WDR7: variants seen among roughly 807,000 people sequenced by gnomAD.
WDR7 encodes WD repeat-containing protein 7.
A neutral mutation model predicts 169.4 loss-of-function variants in WDR7; 46 were observed. The ratio of observed to expected loss-of-function variants is 0.27; its 90% CI spans 0.21 to 0.35. The LOEUF (loss-of-function observed/expected upper bound fraction) is 0.35, where lower values mean the gene tolerates loss of function less well. WDR7 is among the 10% of genes least tolerant of loss of function. The pLI is 1.00. For missense variants in WDR7, 1,534 were observed against 1,859.3 expected (o/e 0.83, Z 3.22); for synonymous variants, 612 against 666.8 (o/e 0.92, Z 1.27).
At chr18:56,885,232 A>G (rs1006614955) in intron 21 of WDR7, among the ~76,000 whole-genome samples, 2 of 152,196 alleles carry the variant, frequency 1.3e-5, no homozygotes, top group Admixed American at 6.5e-5. Flanking sequence ...AGGTTTTGTA[A>G]TACCTCCAAA....
chr18:56,918,555 A>G (rs1347258982), intron 21 of WDR7, among the ~76,000 whole-genome samples: 2 of 152,216 alleles, frequency 1.3e-5, no homozygotes, highest in African/African-American at 4.8e-5. Context: ...CTCTATTAAA[A>G]AAATGTATTC....
intron 21 of WDR7, among the ~76,000 whole-genome samples, chr18:56,912,240 A>G (rs2046562689): frequency 6.6e-6 from 1 of 152,234 alleles, no homozygotes; most frequent in East Asian, 1.9e-4. Context: ...GGAGGCTGAT[A>G]GAAGCAATGG....
chr18:56,950,968 C>T (rs970743612), intron 25 of WDR7, among the ~76,000 whole-genome samples: 5 of 152,174 alleles, frequency 3.3e-5, no homozygotes, highest in Admixed American at 1.3e-4. Flanking sequence ...TCTGTAGGCT[C>T]AGGGCCCATT....
intron 19 of WDR7, among the ~76,000 whole-genome samples, chr18:56,789,448 A>G (rs988282294): frequency 6.6e-6 from 1 of 152,220 alleles, no homozygotes; most frequent in African/African-American, 2.4e-5. Context: ...GCGGTCCTCT[A>G]ACAATGGAGC....
intron 13 of WDR7, among the ~76,000 whole-genome samples, chr18:56,724,908 G>A (rs527533821): frequency 2.0e-5 from 3 of 151,966 alleles, no homozygotes; most frequent in Non-Finnish European, 4.4e-5. Context: ...GCGGTGTTTG[G>A]TTTTTTGTCC....
intron 12 of WDR7, among the ~76,000 whole-genome samples, chr18:56,707,767 T>G (rs1472426496): frequency 6.6e-6 from 1 of 152,078 alleles, no homozygotes; most frequent in African/African-American, 2.4e-5. Context: ...GCCCATAGTG[T>G]TTTGTGGACA....
intron 20 of WDR7, among the ~76,000 whole-genome samples, chr18:56,824,666 G>T (rs1017780012): frequency 6.6e-6 from 1 of 152,192 alleles, no homozygotes; most frequent in Non-Finnish European, 1.5e-5. Context: ...CATTAGTGAG[G>T]TGATGTAGGC....
chr18:56,986,547 G>A (rs2047723074), intron 26 of WDR7, among the ~76,000 whole-genome samples: 1 of 152,032 alleles, frequency 6.6e-6, no homozygotes, highest in South Asian at 2.1e-4. Flanking sequence ...AAAGCTTTCA[G>A]AAGTGTGGCT....
At position 56,710,005 on chromosome 18, in the gene WDR7, TG is replaced by T. The variant is rs200897832; in HGVS notation, c.1579-7958del. On this transcript the variant is annotated intron_variant, in intron 12 of 27. Transcript: ENST00000254442. Reference sequence around the variant, plus strand: ...ACCACAATTTATATATATATATAGTTGTTTTTTTTTTTTTTTGTGATGGAGT... The same window carrying T: ...ACCACAATTTATATATATATATAGTTTTTTTTTTTTTTTTTGTGATGGAGT... 1.5e-3 allele frequency among the ~76,000 whole-genome samples: 197 copies of T among 134,054 alleles called. 12 individuals carry two copies. Among genetic ancestry groups the T allele is most frequent in the Admixed American group, 5.5e-3 (77 of 14,006 alleles). The allele number at this position is 134,054 out of a possible 152,430, so 87.9% of individuals were successfully genotyped here.
intron 26 of WDR7, 67 bp from the exon 27 acceptor site, chr18:57,020,678 T>C: frequency 7.0e-7 from 1 of 1,431,772 alleles, no homozygotes; most frequent in Non-Finnish European, 9.8e-7. Context: ...ATTGAATGCA[T>C]TTGTGTGTGT....
chr18:56,658,876 C>A lies in WDR7; in HGVS notation c.-20+7300C>A, dbSNP rs540096337. 1.0e-3 allele frequency among the ~76,000 whole-genome samples: 158 copies of A among 152,136 alleles called. 1 individual carries two copies. The highest frequency in any genetic ancestry group is 4.4e-3 in the Admixed American group (67 of 15,282). On this transcript the variant is annotated intron_variant, in intron 1 of 27. Coordinates refer to ENST00000254442, the MANE Select transcript of WDR7 (RefSeq NM_015285.3). ...TACAGGCGTGCACCACTGTGCCCAG[C>A]TAATTTTTGTATTTTTTTTTTAGTA...
In WDR7 at chr18:56,884,487, G is replaced by A. The variant is rs1363588813; in HGVS notation, c.3526+4322G>A. Reference sequence around the variant, plus strand: ...CTCTGCTGGTGGTTTCTTTTGCTGTGTAGAAGCTTTTTCATTTAATTAACT... The same window carrying A: ...CTCTGCTGGTGGTTTCTTTTGCTGTATAGAAGCTTTTTCATTTAATTAACT... On this transcript the variant is annotated intron_variant, in intron 21 of 27. Transcript: ENST00000254442. 3.3e-5 allele frequency among the ~76,000 whole-genome samples: 5 copies of A among 152,296 alleles called. No homozygotes were observed. In the East Asian group the frequency reaches 9.7e-4, roughly 29 times the overall value.
intron 14 of WDR7, among the ~76,000 whole-genome samples, chr18:56,751,684 T>C (rs2043795767): frequency 6.6e-6 from 1 of 152,240 alleles, no homozygotes; most frequent in Non-Finnish European, 1.5e-5. Flanking sequence ...GCTATCATTA[T>C]TAATAATAAT....
intron 20 of WDR7, among the ~76,000 whole-genome samples, chr18:56,833,509 G>T (rs974127008): frequency 6.6e-6 from 1 of 151,974 alleles, no homozygotes; most frequent in Non-Finnish European, 1.5e-5. Context: ...AAGTCCTCTA[G>T]GTTTATAATT....
chr18:56,693,025 A>G (rs1176942067), intron 9 of WDR7, among the ~76,000 whole-genome samples: 4 of 152,152 alleles, frequency 2.6e-5, no homozygotes, highest in Non-Finnish European at 5.9e-5. Flanking sequence ...TGATCGTGCC[A>G]CTGCACTCCA....
intron 25 of WDR7, among the ~76,000 whole-genome samples, chr18:56,945,702 A>T (rs1568280229): frequency 6.6e-6 from 1 of 152,130 alleles, no homozygotes. Flanking sequence ...GAATGACCTG[A>T]TTTCTAGGAT....
intron 26 of WDR7, among the ~76,000 whole-genome samples, chr18:56,988,590 A>AGTGTGTGTGTGTGTGTGTGT (rs71171009): frequency 7.0e-6 from 1 of 142,606 alleles, no homozygotes; most frequent in Non-Finnish European, 1.5e-5. Flanking sequence ...ATGGAAGGCA[A>AGTGTGTGTGTGTGTGTGTGT]GTGTGTGTGT....
intron 3 of WDR7, among the ~76,000 whole-genome samples, chr18:56,680,119 G>A (rs1351286299): frequency 6.6e-6 from 1 of 152,170 alleles, no homozygotes; most frequent in African/African-American, 2.4e-5. Context: ...CACTTTGGGA[G>A]GCTGGGATGG....
chr18:56,681,192 G>A, intron 3 of WDR7, 121 bp from the exon 4 acceptor site: 2 of 759,998 alleles, frequency 2.6e-6, no homozygotes, highest in Non-Finnish European at 2.1e-6. Context: ...AGTAATAACT[G>A]TATGCTACTT....
Sources: gnomAD v4.1 joint callset for allele counts (sites outside exome capture counted in the v4.1 genomes callset) on GRCh38, gnomAD v4.1.1 for gene constraint, MANE v1.5 for transcripts, NCBI Gene and HGNC (gene_info 2026-07-23, HGNC 2026-07-21) for gene names.